Variants in DLGAP2 observed in about 807,000 individuals in gnomAD.
The protein encoded by DLGAP2 is DLG associated protein 2.
In DLGAP2, 26 loss-of-function variants were observed where a neutral mutation model predicts 100.3. The ratio of observed to expected loss-of-function variants is 0.26; its 90% confidence interval spans 0.19 to 0.36. The LOEUF (loss-of-function observed/expected upper bound fraction) is 0.36. Ranked by LOEUF, DLGAP2 falls within the 10% of genes least tolerant of loss-of-function variation. The pLI is 1.00. For synonymous variants in DLGAP2, 886 were observed against 630.1 expected, an observed-to-expected ratio of 1.41 and a Z score of -6.08; for missense variants, 1,858 against 1,453.2, an observed-to-expected ratio of 1.28 and a Z score of -4.53.
At chr8:1,282,340 C>G (rs1240741156) in intron 3 of DLGAP2, among the ~76,000 whole-genome samples, 1 of 146,112 alleles carries the variant, frequency 6.8e-6, no homozygotes, top group East Asian at 2.1e-4. Flanking sequence ...GAACCCAGCG[C>G]CCTGAACCAT....
intron 2 of DLGAP2, among the ~76,000 whole-genome samples, chr8:1,055,256 C>G (rs1230631484): frequency 2.0e-5 from 3 of 152,166 alleles, no homozygotes; most frequent in African/African-American, 7.2e-5. Context: ...CTGATGAGCT[C>G]TATTTTCTTG....
chr8:1,446,472 C>G (rs577553769), intron 3 of DLGAP2, among the ~76,000 whole-genome samples: 2 of 152,236 alleles, frequency 1.3e-5, no homozygotes, highest in African/African-American at 4.8e-5. Context: ...GGTACCAGTA[C>G]CATGCTGTTT....
chr8:1,355,704 G>A (rs1052675500), intron 3 of DLGAP2, among the ~76,000 whole-genome samples: 6 of 152,036 alleles, frequency 3.9e-5, no homozygotes, highest in African/African-American at 4.8e-5. Flanking sequence ...ACAAATGCTT[G>A]ATTGACTGGT....
At chr8:957,841 A>G (rs1278747032) in intron 2 of DLGAP2, among the ~76,000 whole-genome samples, 1 of 152,110 alleles carries the variant, frequency 6.6e-6, no homozygotes, top group Non-Finnish European at 1.5e-5. Context: ...AAGAAATTAT[A>G]TATGGGAAAA....
chr8:1,320,804 G>T (rs1033410315), intron 3 of DLGAP2, among the ~76,000 whole-genome samples: 1 of 152,206 alleles, frequency 6.6e-6, no homozygotes, highest in East Asian at 1.9e-4. Context: ...GACAGCCAAG[G>T]CTGGAGGTGC....
chr8:1,605,513 T>G (rs1796768590), intron 6 of DLGAP2, among the ~76,000 whole-genome samples: 1 of 152,186 alleles, frequency 6.6e-6, no homozygotes. Flanking sequence ...GCCTGTCCTT[T>G]GTGCATGAGC....
chr8:1,320,834 T>G (rs1230187242), intron 3 of DLGAP2, among the ~76,000 whole-genome samples: 2 of 152,202 alleles, frequency 1.3e-5, no homozygotes, highest in Non-Finnish European at 2.9e-5. Flanking sequence ...TGTGTGTCTG[T>G]GTGTGCACGT....
At chr8:1,578,162 C>G (rs1234471410) in intron 6 of DLGAP2, among the ~76,000 whole-genome samples, 1 of 152,166 alleles carries the variant, frequency 6.6e-6, no homozygotes, top group African/African-American at 2.4e-5. Context: ...CTGACAAAAT[C>G]TTTTACGTTT....
chr8:817,736 T>C (rs1185392343), intron 1 of DLGAP2, among the ~76,000 whole-genome samples: 2 of 152,196 alleles, frequency 1.3e-5, no homozygotes, highest in Non-Finnish European at 2.9e-5. Context: ...TTTTTGCTCT[T>C]CTGGGTCCAG....
chr8:1,303,072 C>T (rs1800397268), intron 3 of DLGAP2, among the ~76,000 whole-genome samples: 1 of 152,082 alleles, frequency 6.6e-6, no homozygotes, highest in African/African-American at 2.4e-5. Flanking sequence ...GGGGAGCGAG[C>T]GTCCTTGGAA....
intron 3 of DLGAP2, among the ~76,000 whole-genome samples, chr8:1,363,787 G>T (rs542944764): frequency 1.8e-4 from 28 of 152,198 alleles, no homozygotes; most frequent in Non-Finnish European, 4.0e-4. Flanking sequence ...ACGGGCGACT[G>T]AGCCAGGCCT....
At chr8:912,820 A>C (rs1383523906) in intron 2 of DLGAP2, among the ~76,000 whole-genome samples, 1 of 140,278 alleles carries the variant, frequency 7.1e-6, no homozygotes, top group East Asian at 2.1e-4. Context: ...CCCACACCAC[A>C]GTGTCCATCT....
At chr8:1,214,358 C>A (rs1404046735) in intron 2 of DLGAP2, among the ~76,000 whole-genome samples, 1 of 152,228 alleles carries the variant, frequency 6.6e-6, no homozygotes, top group Non-Finnish European at 1.5e-5. Context: ...GCCCAGGGTG[C>A]TTTCCAGGGG....
intron 3 of DLGAP2, among the ~76,000 whole-genome samples, chr8:1,259,425 G>C (rs1191954280): frequency 6.6e-6 from 1 of 152,236 alleles, no homozygotes; most frequent in Non-Finnish European, 1.5e-5. Context: ...TTTGGAACTA[G>C]TGAAAGCCAG....
chr8:1,308,488 A>C (rs1398742123), intron 3 of DLGAP2, among the ~76,000 whole-genome samples: 1 of 152,212 alleles, frequency 6.6e-6, no homozygotes, highest in Non-Finnish European at 1.5e-5. Context: ...AAAAACAGGA[A>C]AGTATGGTCC....
chr8:1,539,479 T>G (rs1158170159), intron 4 of DLGAP2, among the ~76,000 whole-genome samples: 1 of 151,914 alleles, frequency 6.6e-6, no homozygotes, highest in African/African-American at 2.4e-5. Flanking sequence ...TCCCCACGAG[T>G]TGAGTGAGAA....
At chr8:1,489,781 G>A (rs1197989415) in intron 3 of DLGAP2, among the ~76,000 whole-genome samples, 3 of 152,178 alleles carry the variant, frequency 2.0e-5, no homozygotes, top group South Asian at 2.1e-4. Context: ...CTCACGTAAC[G>A]TTACGATGGG....
intron 3 of DLGAP2, among the ~76,000 whole-genome samples, chr8:1,391,516 G>A (rs10866925): frequency 0.71 from 107,226 of 151,944 alleles, 37,917 homozygotes; most frequent in Admixed American, 0.72. Flanking sequence ...TTGGCCCCAC[G>A]TAATGAGAGT....
At chr8:1,157,910 T>A (rs1796821546) in intron 2 of DLGAP2, among the ~76,000 whole-genome samples, 2 of 152,194 alleles carry the variant, frequency 1.3e-5, no homozygotes, top group Admixed American at 1.3e-4. Flanking sequence ...TCTGGGCACC[T>A]TGTGTACGTC....
Sources: gnomAD v4.1 joint callset for allele counts (sites outside exome capture counted in the v4.1 genomes callset) on GRCh38, gnomAD v4.1.1 for gene constraint, MANE v1.5 for transcripts, NCBI Gene and HGNC (gene_info 2026-07-23, HGNC 2026-07-21) for gene names.